The following OR14A16 variants were observed in gnomAD, a reference collection of about 807,000 sequenced individuals.
The protein encoded by OR14A16 is olfactory receptor family 14 subfamily A member 16.
For missense variants in OR14A16, 341 were observed against 366.5 expected (o/e 0.93, Z 0.57); for synonymous variants, 135 against 137.6 (o/e 0.98, Z 0.13).
chr1:247,823,865 A>G (rs1466161131), intron 1 of OR14A16, 88 bp downstream of exon 1: 4 of 147,342 alleles, frequency 2.7e-5, no homozygotes, highest in Admixed American at 2.7e-4. Context: ...GCAAAAATAT[A>G]AAAATAAATA....
intron 1 of OR14A16, among the ~76,000 whole-genome samples, chr1:247,821,954 T>C (rs55823229): frequency 0.17 from 21,263 of 127,006 alleles, 3,599 homozygotes; most frequent in African/African-American, 0.33. Context: ...TAACTTAAAA[T>C]GTTTTATACT....
chr1:247,815,235 G>C lies in OR14A16; in HGVS notation c.495C>G (p.Ser165=). 6.6e-7 allele frequency: 1 copy of C among 1,523,812 alleles called. No homozygotes were observed. Among genetic ancestry groups the C allele is most frequent in the Non-Finnish European group, 8.9e-7 (1 of 1,127,622 alleles). 94.4% of individuals were successfully genotyped at this position (1,523,812 alleles called of 1,614,324 possible). A position where few individuals can be genotyped will look rare whatever the true frequency, so the allele number is the denominator to read the frequency against. The change falls in exon 3 of 3, where the codon TCC becomes TCG. Residue 165 remains serine, a synonymous_variant. Coordinates refer to ENST00000641093, the MANE Select transcript of OR14A16 (RefSeq NM_001001966.2). ...VMHTAGTFSL[S]YCGSNMVHQF... is the part of the protein sequence containing the mutation. ...GATGGACCATGTTGGACCCACAGTA[G>C]GATAAGGAGAAGGTGCCAGCTGTGT...
At chr1:247,821,337 T>C (rs1662736693) in intron 1 of OR14A16, among the ~76,000 whole-genome samples, 1 of 152,250 alleles carries the variant, frequency 6.6e-6, no homozygotes. Context: ...TGATTACTAA[T>C]ACATCAGTTC....
intron 1 of OR14A16, among the ~76,000 whole-genome samples, chr1:247,819,744 A>G (rs970229611): frequency 1.3e-5 from 2 of 152,178 alleles, no homozygotes; most frequent in Non-Finnish European, 2.9e-5. Flanking sequence ...ACGATAAAAT[A>G]TTATTTGTTA....
intron 1 of OR14A16, among the ~76,000 whole-genome samples, chr1:247,819,401 A>ATT (rs1662686921): frequency 4.7e-5 from 7 of 147,852 alleles, no homozygotes; most frequent in African/African-American, 9.9e-5. Context: ...GCAGATTTAA[A>ATT]AAAAAAAGAC....
At chr1:247,822,255 A>G (rs1247439756) in intron 1 of OR14A16, among the ~76,000 whole-genome samples, 1 of 130,712 alleles carries the variant, frequency 7.7e-6, no homozygotes, top group Non-Finnish European at 1.6e-5. Flanking sequence ...GAGTCCATGT[A>G]CTGAGAGAGG....
intron 1 of OR14A16, among the ~76,000 whole-genome samples, chr1:247,823,480 G>A (rs1662780944): frequency 6.6e-6 from 1 of 152,130 alleles, no homozygotes; most frequent in African/African-American, 2.4e-5. Context: ...CAGCCTGGGT[G>A]ACAGAGCAAG....
chr1:247,823,904 A>G (rs984201844), intron 1 of OR14A16, 49 bp downstream of exon 1: 7 of 152,194 alleles, frequency 4.6e-5, no homozygotes, highest in African/African-American at 1.2e-4. Flanking sequence ...TCTAAGTATC[A>G]GTATATCATC....
intron 2 of OR14A16, among the ~76,000 whole-genome samples, chr1:247,816,306 G>A (rs914970728): frequency 1.3e-5 from 2 of 152,160 alleles, no homozygotes; most frequent in South Asian, 2.1e-4. Flanking sequence ...TTGTTTGCAG[G>A]TATTCTCACA....
chr1:247,816,830 T>C (rs1662630591), intron 2 of OR14A16, among the ~76,000 whole-genome samples: 1 of 148,686 alleles, frequency 6.7e-6, no homozygotes, highest in Admixed American at 6.9e-5. Context: ...TTTTCTCATA[T>C]TTAATAAGTT....
rs1657314914 is a variant in OR14A16, at chr1:247,815,367, A to G, written c.363T>C (p.Tyr121=). ...LLLTVMSFDR[Y]TAICHPLHYD... ...AGTGCAGAGGGTGACATATAGCAGT[A>G]TAGCGGTCAAAGGACATCACCGTGA... Residue 121 remains tyrosine, a synonymous_variant, in exon 3 of 3, where the codon TAT becomes TAC. Transcript: ENST00000641093. 1 of 1,614,014 alleles carries G rather than the reference A, an allele frequency of 6.2e-7. No homozygotes were observed. Among genetic ancestry groups the G allele is most frequent in the Non-Finnish European group, 8.5e-7 (1 of 1,179,998 alleles).
intron 1 of OR14A16, among the ~76,000 whole-genome samples, chr1:247,822,321 G>A (rs1441213189): frequency 1.3e-5 from 1 of 74,834 alleles, no homozygotes; most frequent in African/African-American, 4.7e-5. Context: ...TGGCGGGGGG[G>A]GAGGGTGGGG....
At chr1:247,818,211 A>G (rs12404546) in intron 2 of OR14A16, among the ~76,000 whole-genome samples, 10,100 of 152,236 alleles carry the variant, frequency 0.066, 490 homozygotes, top group Admixed American at 0.13. Context: ...CCCAATTAAA[A>G]TGGATTTTAT....
intron 1 of OR14A16, among the ~76,000 whole-genome samples, chr1:247,820,441 C>T (rs1662711246): frequency 6.6e-6 from 1 of 152,084 alleles, no homozygotes; most frequent in Non-Finnish European, 1.5e-5. Context: ...TTCTGGACTT[C>T]ATTTTTATTT....
Position 247,814,841 on chromosome 1 carries a change from C to A in OR14A16, c.889G>T (p.Ala297Ser). The A allele has an allele frequency of 1.3e-6, 2 of 1,593,836 alleles. No homozygotes were observed. The highest frequency in any genetic ancestry group is 1.7e-6 in the Non-Finnish European group (2 of 1,173,326). The change falls in exon 3 of 3, where the codon GCT (alanine) becomes TCT (serine). Residue 297 changes from alanine to serine, a missense_variant. Physicochemically the swap from Ala to Ser is moderately conservative, Grantham distance 99 (BLOSUM62 1). Coordinates refer to ENST00000641093, the MANE Select transcript of OR14A16 (RefSeq NM_001001966.2). ...TTTCCCTTTATCAACATCCCCAGAG[C>A]CACCTTTATGGCCTTGTTTCTCAAA... ...YSLRNKAIKVALGMLIKGKLT... is the reference protein window; with the variant it reads ...YSLRNKAIKVSLGMLIKGKLT...
Position 247,815,350 on chromosome 1 carries a change from G to T in OR14A16, c.380C>A (p.Pro127His). ...GTCCATGATGACATCATAGTGCAGAGGGTGACATATAGCAGTATAGCGGTC... is the reference window on the plus strand; with the variant it reads ...GTCCATGATGACATCATAGTGCAGATGGTGACATATAGCAGTATAGCGGTC... Reference protein sequence around the residue: ...SFDRYTAICHPLHYDVIMDRS... With the variant: ...SFDRYTAICHHLHYDVIMDRS... Residue 127 changes from proline (P) to histidine (H), a missense_variant, in exon 3 of 3, where the codon CCT (proline) becomes CAT (histidine). Physicochemically the swap from Pro to His is moderately conservative, Grantham distance 77. Coordinates refer to ENST00000641093, the MANE Select transcript of OR14A16 (RefSeq NM_001001966.2). 2 of 1,613,994 alleles carry T rather than the reference G, an allele frequency of 1.2e-6. No homozygotes were observed. Among genetic ancestry groups the T allele is most frequent in the Non-Finnish European group, 1.7e-6 (2 of 1,179,986 alleles).
rs865837019 is a variant in OR14A16, at chr1:247,822,315, G to A, written c.-131+1638C>T. Among the ~76,000 whole-genome samples the A allele has an allele frequency of 1.7e-3, 91 of 54,046 alleles. 1 individual carries two copies. In the South Asian group the frequency reaches 0.019, roughly 11 times the overall value. 35.5% of individuals were successfully genotyped at this position (54,046 alleles called of 152,430 possible). On this transcript the variant is annotated intron_variant, in intron 1 of 2. Transcript: ENST00000641093. ...TGGGGCTGGGGTGTGTGTGTGTGGC[G>A]GGGGGGGAGGGTGGGGATGCTGGCG...
chr1:247,823,012 T>C (rs748360841), intron 1 of OR14A16, among the ~76,000 whole-genome samples: 2 of 152,228 alleles, frequency 1.3e-5, no homozygotes, highest in Admixed American at 6.5e-5. Context: ...ATAATGTCTG[T>C]ATTCTCTAAA....
chr1:247,815,892 C>T, intron 2 of OR14A16, 148 bp from the exon 3 acceptor site: 1 of 468,348 alleles, frequency 2.1e-6, no homozygotes, highest in Non-Finnish European at 3.7e-6. Context: ...ACAAAAAATA[C>T]TTTCATCTAG....
Sources: allele counts gnomAD v4.1 joint callset (sites outside exome capture counted in the v4.1 genomes callset), GRCh38; gene constraint gnomAD v4.1.1; transcripts MANE v1.5; gene names NCBI Gene and HGNC (gene_info 2026-07-23, HGNC 2026-07-21).